KLF7: variants seen among roughly 807,000 people sequenced by gnomAD.
KLF7 encodes the protein KLF transcription factor 7.
In KLF7, 2 loss-of-function variants were observed where a neutral mutation model predicts 27.3. That is an observed-to-expected ratio of 0.07 (90% CI 0.03 to 0.23). The LOEUF is 0.23. Among genes scored for constraint, KLF7 ranks in the 10% least tolerant of loss-of-function variants. KLF7 has a pLI of 1.00. For missense variants in KLF7, 221 were observed against 394.1 expected, an observed-to-expected ratio of 0.56 and a Z score of 3.72; for synonymous variants, 165 against 162.4, an observed-to-expected ratio of 1.02 and a Z score of -0.12.
intron 1 of KLF7, chr2:207,149,123 C>T (rs2078173673): frequency 1.6e-6 from 2 of 1,284,964 alleles, no homozygotes; most frequent in South Asian, 1.2e-5. Context: ...TCCCCAGTCC[C>T]ACCCAGTCAT....
At chr2:207,141,985 G>A (rs1046594422) in intron 1 of KLF7, among the ~76,000 whole-genome samples, 4 of 151,874 alleles carry the variant, frequency 2.6e-5, no homozygotes, top group East Asian at 1.9e-4. Context: ...CGCAGTACTC[G>A]GCTGGAATCC....
At chr2:207,114,825 C>T (rs2077134577) in intron 2 of KLF7, among the ~76,000 whole-genome samples, 1 of 152,184 alleles carries the variant, frequency 6.6e-6, no homozygotes, top group African/African-American at 2.4e-5. Context: ...GGTTTCCTGC[C>T]TGCAACAAAA....
At chr2:207,103,493 G>C (rs2076813307) in intron 2 of KLF7, among the ~76,000 whole-genome samples, 1 of 152,200 alleles carries the variant, frequency 6.6e-6, no homozygotes, top group Non-Finnish European at 1.5e-5. Flanking sequence ...TTGGGTCTTT[G>C]TCACAAAAGC....
intron 3 of KLF7, among the ~76,000 whole-genome samples, 190 bp from the exon 4 acceptor site, chr2:207,081,454 G>A (rs1186290555): frequency 6.6e-6 from 1 of 152,204 alleles, no homozygotes; most frequent in Non-Finnish European, 1.5e-5. Context: ...TCTTCCAATA[G>A]CTGTGTGACT....
At chr2:207,114,745 C>T (rs533113683) in intron 2 of KLF7, among the ~76,000 whole-genome samples, 1 of 152,156 alleles carries the variant, frequency 6.6e-6, no homozygotes, top group Non-Finnish European at 1.5e-5. Flanking sequence ...ATATTAGATA[C>T]CCTAAGACAC....
upstream of KLF7, among the ~76,000 whole-genome samples, chr2:207,170,090 G>T (rs1484454470): frequency 4.6e-5 from 7 of 151,218 alleles, no homozygotes; most frequent in Non-Finnish European, 1.0e-4. Context: ...ACACCAAACA[G>T]TTGGCCACTC....
chr2:207,122,864 G>A lies in KLF7; in HGVS notation c.733+910C>T, dbSNP rs1052220271. 5.3e-5 allele frequency among the ~76,000 whole-genome samples: 8 copies of A among 152,152 alleles called. No homozygotes were observed. In the South Asian group the frequency reaches 6.2e-4, roughly 12 times the overall value. The stretch of plus-strand genomic sequence containing the variant: ...ACCATACAGGTAGCACACTGTTGGA[G>A]ACTCACTTAAAAACCACCAATCACA... On this transcript the variant is annotated intron_variant, in intron 2 of 3. Transcript: ENST00000309446.
chr2:207,117,112 T>A (rs1327860695), intron 2 of KLF7, among the ~76,000 whole-genome samples: 1 of 152,212 alleles, frequency 6.6e-6, no homozygotes, highest in Non-Finnish European at 1.5e-5. Flanking sequence ...CTATCAATTA[T>A]CCATTAAAAG....
At position 207,076,390 on chromosome 2, in the gene KLF7, C is replaced by T. The variant is rs901895027; in HGVS notation, c.*4823G>A. ...AAGTGATGGCCCAGGATTTCTCTCTCTGTTTTTGACACCTGTTTCCCGAGG... is the reference window on the plus strand; with the variant it reads ...AAGTGATGGCCCAGGATTTCTCTCTTTGTTTTTGACACCTGTTTCCCGAGG... On this transcript the variant is annotated 3_prime_UTR_variant, in exon 4 of 4. Coordinates refer to ENST00000309446, the MANE Select transcript of KLF7 (RefSeq NM_003709.4). 6.6e-6 allele frequency: 1 copy of T among 152,084 alleles called. No individual in the cohort carries two copies. The highest frequency in any genetic ancestry group is 1.5e-5 in the Non-Finnish European group (1 of 68,020). The allele number at this position is 152,084 out of a possible 1,614,324, so 9.4% of individuals were successfully genotyped here.
chr2:207,088,324 G>GGAGAGGACCAGT, intron 3 of KLF7, 134 bp downstream of exon 3: 1 of 1,034,186 alleles, frequency 9.7e-7, no homozygotes, highest in Non-Finnish European at 1.4e-6. Flanking sequence ...TCCTCTCCAT[G>GGAGAGGACCAGT]GAGAAAAGGC....
intron 2 of KLF7, among the ~76,000 whole-genome samples, chr2:207,113,728 T>C (rs1020604396): frequency 7.9e-5 from 12 of 151,894 alleles, no homozygotes; most frequent in African/African-American, 2.2e-4. Context: ...CTGTATTTAA[T>C]GCTGATGTGG....
chr2:207,089,860 G>A (rs114657667), intron 2 of KLF7, among the ~76,000 whole-genome samples: 10,682 of 152,158 alleles, frequency 0.07, 420 homozygotes, highest in Middle Eastern at 0.092. Context: ...CAAACTCAAA[G>A]TTTCAGGATA....
upstream of KLF7, among the ~76,000 whole-genome samples, chr2:207,168,319 G>T (rs764493675): frequency 6.6e-6 from 1 of 152,196 alleles, no homozygotes; most frequent in Non-Finnish European, 1.5e-5. Context: ...CACTTCGAAT[G>T]TGCCGTATGC....
At chr2:207,133,342 G>A (rs1268497642) in intron 1 of KLF7, among the ~76,000 whole-genome samples, 2 of 152,194 alleles carry the variant, frequency 1.3e-5, no homozygotes, top group Non-Finnish European at 2.9e-5. Flanking sequence ...GAAGTGCAAA[G>A]GGCTGGATCT....
At chr2:207,164,896 G>C (rs1052608564) in intron 1 of KLF7, among the ~76,000 whole-genome samples, 4 of 152,106 alleles carry the variant, frequency 2.6e-5, no homozygotes, top group African/African-American at 9.7e-5. Context: ...TTGTCAGTGG[G>C]CTCTTCTCTC....
chr2:207,139,941 T>A (rs1232847563), intron 1 of KLF7, among the ~76,000 whole-genome samples: 1 of 152,132 alleles, frequency 6.6e-6, no homozygotes, highest in Non-Finnish European at 1.5e-5. Context: ...CAGGCTGGAG[T>A]GCAGTGGCGC....
intron 1 of KLF7, among the ~76,000 whole-genome samples, chr2:207,164,876 T>A (rs1325184870): frequency 6.6e-6 from 1 of 152,196 alleles, no homozygotes; most frequent in South Asian, 2.1e-4. Context: ...CCGTCCTCCT[T>A]GAGTATCTTT....
At chr2:207,172,399 T>C in the KLF7 span, among the ~76,000 whole-genome samples, 1 of 152,200 alleles carries the variant, frequency 6.6e-6, no homozygotes, top group Non-Finnish European at 1.5e-5. Context: ...AAATACAGTT[T>C]TCCCTGGGTC....
At chr2:207,123,638 A>G (rs1574501702) in intron 2 of KLF7, 136 bp downstream of exon 2, 1 of 903,076 alleles carries the variant, frequency 1.1e-6, no homozygotes, top group African/African-American at 1.7e-5. Context: ...CTTTGTCCCT[A>G]CCTGGGGCCT....
Sources: allele counts gnomAD v4.1 joint callset (sites outside exome capture counted in the v4.1 genomes callset), GRCh38; gene constraint gnomAD v4.1.1; transcripts MANE v1.5; gene names NCBI Gene and HGNC (gene_info 2026-07-23, HGNC 2026-07-21).